CDK15: variants seen among roughly 807,000 people sequenced by gnomAD.
CDK15 encodes the protein cyclin-dependent kinase 15.
Under a neutral mutation model 60.3 loss-of-function variants are expected in CDK15, and 62 were observed. That is an observed-to-expected ratio of 1.03 (90% confidence interval 0.84 to 1.27). The LOEUF is 1.27. CDK15 is among the 50% of genes most tolerant of loss of function. The pLI is 0.00. For synonymous variants in CDK15, 194 were observed against 195.7 expected, an observed-to-expected ratio of 0.99 and a Z score of 0.07; for missense variants, 541 against 527.8, an observed-to-expected ratio of 1.03 and a Z score of -0.25.
At chr2:201,851,401 G>T (rs1225298600) in intron 9 of CDK15, among the ~76,000 whole-genome samples, 6 of 151,198 alleles carry the variant, frequency 4.0e-5, no homozygotes, top group Non-Finnish European at 5.9e-5. Flanking sequence ...TGAGAGATTT[G>T]GTCTCCAAGT....
chr2:201,836,189 T>TATATA (rs1697075834), intron 8 of CDK15, among the ~76,000 whole-genome samples: 13 of 65,848 alleles, frequency 2.0e-4, no homozygotes, highest in East Asian at 5.5e-4. Flanking sequence ...ATATATATTT[T>TATATA]TTTATATATA....
chr2:201,808,273 C>A (rs571247330), intron 3 of CDK15, among the ~76,000 whole-genome samples: 5 of 152,300 alleles, frequency 3.3e-5, no homozygotes, highest in African/African-American at 1.2e-4. Context: ...CTGTGGGAGG[C>A]ACAGTTGGTA....
At chr2:201,873,386 C>T (rs1311839647) in intron 11 of CDK15, among the ~76,000 whole-genome samples, 6 of 152,184 alleles carry the variant, frequency 3.9e-5, no homozygotes, top group African/African-American at 1.2e-4. Context: ...TCATTCAAGA[C>T]GTGCAGTATA....
At chr2:201,886,472 T>C (rs899397270) in intron 12 of CDK15, among the ~76,000 whole-genome samples, 3 of 152,072 alleles carry the variant, frequency 2.0e-5, no homozygotes, top group Non-Finnish European at 4.4e-5. Flanking sequence ...ATTACCTGCC[T>C]GTGCCACCAC....
chr2:201,859,818 T>G (rs1267227978), intron 10 of CDK15, among the ~76,000 whole-genome samples: 1 of 152,202 alleles, frequency 6.6e-6, no homozygotes, highest in Non-Finnish European at 1.5e-5. Context: ...AAATAGATGT[T>G]CCAATGGCAA....
At chr2:201,879,794 A>T (rs1039643808) in intron 11 of CDK15, among the ~76,000 whole-genome samples, 1 of 152,058 alleles carries the variant, frequency 6.6e-6, no homozygotes, top group Non-Finnish European at 1.5e-5. Flanking sequence ...AGGGCAAGGG[A>T]GCTGAGTGAT....
chr2:201,882,586 T>C lies in CDK15; in HGVS notation c.1198+2419T>C, dbSNP rs1378802147. On this transcript the variant is annotated intron_variant, in intron 12 of 13. Transcript: ENST00000652192. This position sits in a 1 kb window ranked among gnomAD's most constrained non-coding sequence, Gnocchi z 4.0. The stretch of plus-strand genomic sequence containing the variant: ...CATCTCGAATCCCCGAGGGAGAAGA[T>C]GAAAGCGCCGGTGCCAAGAGACAGG... Among the ~76,000 whole-genome samples the C allele has an allele frequency of 6.6e-6, 1 of 150,998 alleles. No homozygotes were observed. The highest frequency in any genetic ancestry group is 2.0e-4 in the East Asian group (1 of 5,106).
At chr2:201,843,065 T>C (rs1697472839) in intron 8 of CDK15, among the ~76,000 whole-genome samples, 2 of 152,162 alleles carry the variant, frequency 1.3e-5, no homozygotes, top group African/African-American at 4.8e-5. Context: ...AATGTTTGCT[T>C]TAAGAATAGT....
In CDK15 at chr2:201,818,042, A is replaced by G. The variant is rs1022238932; in HGVS notation, c.449-4767A>G. Reference sequence around the variant, plus strand: ...GAAACACTTTTTTATTCAATGTCCAATGAGGGTTGGGGAGGACTCCATCAT... The same window carrying G: ...GAAACACTTTTTTATTCAATGTCCAGTGAGGGTTGGGGAGGACTCCATCAT... On this transcript the variant is annotated intron_variant, in intron 4 of 13. Transcript: ENST00000652192. 7.2e-5 allele frequency among the ~76,000 whole-genome samples: 11 copies of G among 152,242 alleles called. 1 individual carries two copies. The highest frequency in any genetic ancestry group is 1.2e-4 in the Non-Finnish European group (8 of 68,038).
intron 8 of CDK15, among the ~76,000 whole-genome samples, chr2:201,842,074 A>G (rs1697413354): frequency 6.6e-6 from 1 of 152,152 alleles, no homozygotes; most frequent in Non-Finnish European, 1.5e-5. Context: ...TGTAACCGTC[A>G]CCACTGTCCA....
rs114817479 is a variant in CDK15 at position 201,845,748 on chromosome 2, T to G, written c.852-1633T>G. ...CTACGATAAAATGTTTTACTTAAAT[T>G]TCGTTCTTTATCATGCCACACAAAA... On this transcript the variant is annotated intron_variant, in intron 8 of 13. Transcript: ENST00000652192. Among the ~76,000 whole-genome samples the G allele has an allele frequency of 6.2e-3, 947 of 152,016 alleles. 3 individuals are homozygous for G. The highest frequency in any genetic ancestry group is 0.014 in the Middle Eastern group (4 of 294).
chr2:201,886,443 A>G (rs1051762678), intron 12 of CDK15, among the ~76,000 whole-genome samples: 6 of 151,630 alleles, frequency 4.0e-5, no homozygotes, highest in African/African-American at 1.5e-4. Flanking sequence ...CTCCCGCCTC[A>G]GCCTCCCGAG....
At chr2:201,858,465 A>C (rs904930228) in intron 10 of CDK15, among the ~76,000 whole-genome samples, 39 of 114,100 alleles carry the variant, frequency 3.4e-4, no homozygotes, top group Admixed American at 7.8e-4. Context: ...TGTCTCCCCC[A>C]CTCCCCGTTT....
chr2:201,891,016 G>A (rs1699624180), intron 13 of CDK15, 89 bp downstream of exon 13: 1 of 651,830 alleles, frequency 1.5e-6, no homozygotes, highest in Non-Finnish European at 2.6e-6. Context: ...GGGATTCAGA[G>A]CACCTCTGTG....
intron 9 of CDK15, among the ~76,000 whole-genome samples, chr2:201,852,644 G>T (rs1697962918): frequency 6.6e-6 from 1 of 152,178 alleles, no homozygotes; most frequent in Non-Finnish European, 1.5e-5. Flanking sequence ...ACTGTGGTTT[G>T]AAACATAGCA....
chr2:201,858,662 C>A (rs1206924446), intron 10 of CDK15, among the ~76,000 whole-genome samples: 1 of 152,000 alleles, frequency 6.6e-6, no homozygotes, highest in Non-Finnish European at 1.5e-5. Context: ...GCACGGATTC[C>A]CAGACTCTCA....
intron 12 of CDK15, among the ~76,000 whole-genome samples, chr2:201,883,570 T>C (rs1699354791): frequency 6.6e-6 from 1 of 152,202 alleles, no homozygotes; most frequent in Non-Finnish European, 1.5e-5. Flanking sequence ...AAAGTGTGAA[T>C]ATTAGAATGG....
intron 8 of CDK15, among the ~76,000 whole-genome samples, chr2:201,838,858 A>G (rs1388393731): frequency 6.6e-6 from 1 of 152,026 alleles, no homozygotes; most frequent in Admixed American, 6.6e-5. Context: ...TCCTTTTTTC[A>G]TCAGTATTCT....
chr2:201,836,348 A>T (rs1374218371), intron 8 of CDK15, among the ~76,000 whole-genome samples: 4 of 150,902 alleles, frequency 2.7e-5, no homozygotes, highest in African/African-American at 9.8e-5. Context: ...TACTAAAAAA[A>T]TACTAATATT....
Sources: gnomAD v4.1 joint callset for allele counts (sites outside exome capture counted in the v4.1 genomes callset) on GRCh38, gnomAD v4.1.1 for gene constraint, Gnocchi (gnomAD v3.1) non-coding constraint, MANE v1.5 for transcripts, NCBI Gene and HGNC (gene_info 2026-07-23, HGNC 2026-07-21) for gene names.